The following NACAD variants were observed in gnomAD, a reference collection of about 807,000 sequenced individuals.
NACAD encodes the protein NAC alpha domain containing.
NACAD carries 47 observed loss-of-function variants against 98.9 expected under a neutral mutation model. The ratio of observed to expected loss-of-function variants is 0.48; its 90% CI spans 0.38 to 0.61. The LOEUF is 0.61. NACAD is among the 20% of genes least tolerant of loss of function. The pLI is 0.00. For synonymous variants in NACAD, 696 were observed against 767.2 expected, an observed-to-expected ratio of 0.91 and a Z score of 1.53; for missense variants, 1,412 against 1,748.2, an observed-to-expected ratio of 0.81 and a Z score of 3.43.
rs1199178079 is a variant in NACAD, at chr7:45,081,884, G to T, written c.4073-17C>A. ...GAGGCGAGTCTGGGGAAGGGGAGAG[G>T]TGTGAGGATGGCCTTTTGCTTCTAG... On this transcript the variant is annotated splice_polypyrimidine_tract_variant and intron_variant, in intron 2 of 7. Coordinates refer to ENST00000490531, the MANE Select transcript of NACAD (RefSeq NM_001146334.2). The T allele has an allele frequency of 6.5e-7, 1 of 1,540,430 alleles. No individual in the cohort carries two copies. Among genetic ancestry groups the T allele is most frequent in the East Asian group, 2.4e-5 (1 of 40,900 alleles).
Position 45,081,121 on chromosome 7 carries a change from G to C in NACAD, c.4400C>G (p.Ala1467Gly). 1 of 1,551,478 alleles carries C rather than the reference G, an allele frequency of 6.4e-7. No individual in the cohort carries two copies. Among genetic ancestry groups the C allele is most frequent in the Non-Finnish European group, 8.7e-7 (1 of 1,147,000 alleles). ...ASDTYVVFGE[A>G]KIEDLSQQVH... ...CACCACAGCCGCCACCCAGACCTTG[G>C]CCTCGCCAAAGACCACATAAGTGTC... is the stretch of plus-strand genomic sequence containing the variant. Residue 1467 changes from alanine (A) to glycine (G), a missense_variant, in exon 5 of 8, where the codon GCC becomes GGC. By Grantham distance (60) the Ala-to-Gly change is moderately conservative. Coordinates refer to ENST00000490531, the MANE Select transcript of NACAD (RefSeq NM_001146334.2).
intron 1 of NACAD, among the ~76,000 whole-genome samples, chr7:45,087,498 G>T (rs527858926): frequency 6.6e-6 from 1 of 152,218 alleles, no homozygotes; most frequent in South Asian, 2.1e-4. Flanking sequence ...ATGCCTGCCT[G>T]GTGGCTCCTG....
Position 45,083,401 on chromosome 7 carries a change from G to A in NACAD, c.2779C>T (p.Pro927Ser), listed in dbSNP as rs534777748. The A allele has an allele frequency of 2.6e-6, 4 of 1,551,106 alleles. No individual in the cohort carries two copies. In the Admixed American group the frequency reaches 7.8e-5, roughly 30 times the overall value. The change falls in exon 2 of 8, where the codon CCT becomes TCT. Residue 927 changes from proline (P) to serine (S), a missense_variant. By Grantham distance (74) the Pro-to-Ser change is moderately conservative (BLOSUM62 -1). This residue lies in a region of NACAD where 572 missense variants were observed against 639.6 expected (regional missense o/e 0.89). Coordinates refer to ENST00000490531, the MANE Select transcript of NACAD (RefSeq NM_001146334.2). ...GAGGTGGGGCCTGTGTCTTGCAGAG[G>A]CAGAGGTGCTGTCATAGCGGAGTCC... ...PQDSAMTAPL[P>S]LQDTGPTSGP...
Position 45,088,785 on chromosome 7 carries a change from A to G in NACAD, c.67+43T>C. On this transcript the variant is annotated intron_variant, in intron 1 of 7. Coordinates refer to ENST00000490531, the MANE Select transcript of NACAD (RefSeq NM_001146334.2). The surrounding 1 kb of genome is among the most constrained non-coding windows in gnomAD (Gnocchi z 5.7). ...GATGGAAAGAGAACCCGGGCTGGAG[A>G]GGGGAGAGGCTGAAGGCAGGGAAAG... The G allele has an allele frequency of 6.9e-7, 1 of 1,447,992 alleles. No individual in the cohort carries two copies. Among genetic ancestry groups the G allele is most frequent in the Non-Finnish European group, 9.1e-7 (1 of 1,096,696 alleles). The allele number at this position is 1,447,992 out of a possible 1,614,324, so 89.7% of individuals were successfully genotyped here.
Position 45,085,968 on chromosome 7 carries a change from C to T in NACAD, c.212G>A (p.Ser71Asn). Residue 71 changes from serine (S) to asparagine (N), a missense_variant, in exon 2 of 8, where the codon AGC (serine) becomes AAC (asparagine). Physicochemically the swap from Ser to Asn is conservative, Grantham distance 46. Transcript: ENST00000490531. This position sits in a 1 kb window ranked among gnomAD's most constrained non-coding sequence, Gnocchi z 6.1. ...PGARPQPEGA[S>N]WDAGPGGAPS... The stretch of plus-strand genomic sequence containing the variant: ...TGCCCCACCAGGCCCTGCATCCCAG[C>T]TGGCTCCCTCGGGCTGGGGCCGGGC... The T allele has an allele frequency of 7.8e-6, 12 of 1,537,582 alleles. No homozygotes were observed. The highest frequency in any genetic ancestry group is 3.6e-4 in the Middle Eastern group (2 of 5,536).
Position 45,085,458 on chromosome 7 carries a change from G to C in NACAD, c.722C>G (p.Pro241Arg). The part of the protein sequence containing the change: ...SPSCSLSLLA[P>R]AEGLDFPSGW... ...TGAGGGGAAGTCCAGCCCTTCAGCC[G>C]GAGCCAGCAGGCTGAGGGAACAGGA... The change falls in exon 2 of 8, where the codon CCG becomes CGG. Residue 241 changes from proline to arginine, a missense_variant. By Grantham distance (103) the Pro-to-Arg change is moderately radical. This residue lies in a region of NACAD where 638 missense variants were observed against 722.7 expected (regional missense o/e 0.88). Coordinates refer to ENST00000490531, the MANE Select transcript of NACAD (RefSeq NM_001146334.2). This position sits in a 1 kb window ranked among gnomAD's most constrained non-coding sequence, Gnocchi z 6.1. The C allele has an allele frequency of 6.5e-7, 1 of 1,550,132 alleles. No homozygotes were observed. Among genetic ancestry groups the C allele is most frequent in the Non-Finnish European group, 8.7e-7 (1 of 1,146,638 alleles).
chr7:45,081,272 A>G lies in NACAD; in HGVS notation c.4258-9T>C. The G allele has an allele frequency of 1.3e-6, 2 of 1,550,788 alleles. No homozygotes were observed. The highest frequency in any genetic ancestry group is 1.7e-6 in the Non-Finnish European group (2 of 1,146,832). On this transcript the variant is annotated splice_polypyrimidine_tract_variant and intron_variant, in intron 4 of 7. Coordinates refer to ENST00000490531, the MANE Select transcript of NACAD (RefSeq NM_001146334.2). ...CCCAGCTTTGACATTGCCTGGGAGT[A>G]GAGGGCAGAGGGGGGCTCAGACCTG...
rs1170649080 is a variant in NACAD, at chr7:45,085,771, T to C, written c.409A>G (p.Thr137Ala). Residue 137 changes from threonine to alanine, a missense_variant, in exon 2 of 8, where the codon ACA (threonine) becomes GCA (alanine). This residue lies in a region of NACAD where 638 missense variants were observed against 722.7 expected (regional missense o/e 0.88). Transcript: ENST00000490531. This position sits in a 1 kb window ranked among gnomAD's most constrained non-coding sequence, Gnocchi z 6.1. The part of the protein sequence containing the change: ...QALLSPRAAR[T>A]ALRDQEGGHA... The stretch of plus-strand genomic sequence containing the variant: ...CCACCCTCCTGGTCCCTGAGCGCTG[T>C]CCGGGCAGCTCTGGGTGACAGGAGG... 4 of 1,547,490 alleles carry C rather than the reference T, an allele frequency of 2.6e-6. No homozygotes were observed. The South Asian group carries it at 3.6e-5, about 14-fold the overall frequency.
intron 1 of NACAD, among the ~76,000 whole-genome samples, chr7:45,087,188 T>C (rs1177366837): frequency 1.3e-5 from 2 of 152,220 alleles, no homozygotes; most frequent in Non-Finnish European, 2.9e-5. Context: ...CAGACCGCTA[T>C]GGTTTTCTGC....
intron 3 of NACAD, 40 bp downstream of exon 3, chr7:45,081,715 G>T (rs183637466): frequency 7.7e-6 from 12 of 1,551,148 alleles, no homozygotes; most frequent in Non-Finnish European, 1.0e-5. Flanking sequence ...TGGGGTGTGG[G>T]GCCCTCCCAG....
rs1784525457 is a variant in NACAD at position 45,086,540 on chromosome 7, C to CTATT, written c.68-429_68-428insAATA. 2.0e-5 allele frequency among the ~76,000 whole-genome samples: 3 copies of CTATT among 152,202 alleles called. No individual in the cohort carries two copies. In the South Asian group the frequency reaches 6.2e-4, roughly 31 times the overall value. ...GTGCCAGTCCCATCCCATGACCTCC[C>CTATT]AATAGATGCGCCACATGAGGCAGGT... On this transcript the variant is annotated intron_variant, in intron 1 of 7. Coordinates refer to ENST00000490531, the MANE Select transcript of NACAD (RefSeq NM_001146334.2).
chr7:45,086,011 G>A lies in NACAD; in HGVS notation c.169C>T (p.Leu57=). The A allele has an allele frequency of 6.5e-7, 1 of 1,535,826 alleles. No homozygotes were observed. Residue 57 remains leucine, a synonymous_variant, in exon 2 of 8, where the codon CTG becomes TTG. Coordinates refer to ENST00000490531, the MANE Select transcript of NACAD (RefSeq NM_001146334.2). ...PGPSHLALTF[L]PSKPGARPQP... ...GGCCGGGCACCCGGCTTGCTGGGCAGGAACGTGAGGGCCAGGTGGCTGGGC... is the reference window on the plus strand; with the variant it reads ...GGCCGGGCACCCGGCTTGCTGGGCAAGAACGTGAGGGCCAGGTGGCTGGGC...
chr7:45,082,900 T>A lies in NACAD; in HGVS notation c.3280A>T (p.Arg1094Trp), dbSNP rs993219328. The change falls in exon 2 of 8, where the codon AGG becomes TGG. Residue 1094 changes from arginine to tryptophan, a missense_variant. Arg to Trp is a moderately radical substitution (Grantham distance 101). Transcript: ENST00000490531. The surrounding 1 kb of genome is among the most constrained non-coding windows in gnomAD (Gnocchi z 4.5). ...LKPLAQEHGPRSALGGAREVP... is the reference protein window; with the variant it reads ...LKPLAQEHGPWSALGGAREVP... Reference sequence around the variant, plus strand: ...TCCCTTGCACCTCCAAGTGCTGACCTGGGTCCATGTTCCTGTGCCAGTGGC... The same window carrying A: ...TCCCTTGCACCTCCAAGTGCTGACCAGGGTCCATGTTCCTGTGCCAGTGGC... The A allele has an allele frequency of 1.0e-5, 16 of 1,550,912 alleles. No individual in the cohort carries two copies. In the African/African-American group the frequency reaches 1.6e-4, roughly 16 times the overall value.
At position 45,081,746 on chromosome 7, in the gene NACAD, A is replaced by C. The variant is rs1406157996; in HGVS notation, c.4185+9T>G. On this transcript the variant is annotated intron_variant, in intron 3 of 7. Transcript: ENST00000490531. Reference sequence around the variant, plus strand: ...CCCAGAGGCCCACCCTCTTCCCTGGACTGGGCACCTGGGCTGGACACTGCA... The same window carrying C: ...CCCAGAGGCCCACCCTCTTCCCTGGCCTGGGCACCTGGGCTGGACACTGCA... 1 of 1,551,182 alleles carries C rather than the reference A, an allele frequency of 6.4e-7. No individual in the cohort carries two copies. The highest frequency in any genetic ancestry group is 2.0e-5 in the Admixed American group (1 of 50,998).
Position 45,085,996 on chromosome 7 carries a change from C to T in NACAD, c.184G>A (p.Gly62Ser). 3 of 1,536,472 alleles carry T rather than the reference C, an allele frequency of 2.0e-6. No homozygotes were observed. Among genetic ancestry groups the T allele is most frequent in the African/African-American group, 1.4e-5 (1 of 72,990 alleles). ...GCTCCCTCGGGCTGGGGCCGGGCAC[C>T]CGGCTTGCTGGGCAGGAACGTGAGG... is the stretch of plus-strand genomic sequence containing the variant. Reference protein sequence around the residue: ...LALTFLPSKPGARPQPEGASW... With the variant: ...LALTFLPSKPSARPQPEGASW... The change falls in exon 2 of 8, where the codon GGT becomes AGT. Residue 62 changes from glycine (G) to serine (S), a missense_variant. By Grantham distance (56) the Gly-to-Ser change is moderately conservative. Transcript: ENST00000490531. The surrounding 1 kb of genome is among the most constrained non-coding windows in gnomAD (Gnocchi z 6.1).
Position 45,085,807 on chromosome 7 carries a change from T to A in NACAD, c.373A>T (p.Thr125Ser). ...CTGGGTGACAGGAGGGCCTGGCACG[T>A]CTCCTCTCCCATCACAATCCGGGGC... ...LEPRIVMGEE[T>S]CQALLSPRAA... The change falls in exon 2 of 8, where the codon ACG becomes TCG. Residue 125 changes from threonine (T) to serine (S), a missense_variant. By Grantham distance (58) the Thr-to-Ser change is moderately conservative. This residue lies in a region of NACAD where 638 missense variants were observed against 722.7 expected (regional missense o/e 0.88). Transcript: ENST00000490531. The surrounding 1 kb of genome is among the most constrained non-coding windows in gnomAD (Gnocchi z 6.1). 1 of 1,538,838 alleles carries A rather than the reference T, an allele frequency of 6.5e-7. No individual in the cohort carries two copies. Among genetic ancestry groups the A allele is most frequent in the Non-Finnish European group, 8.8e-7 (1 of 1,140,650 alleles).
chr7:45,080,905 TGCACTCCAGCCTCACCCGGG>T lies in NACAD; in HGVS notation c.4502_4521del (p.Pro1501GlnfsTer20). 6.4e-7 allele frequency: 1 copy of T among 1,557,328 alleles called. No homozygotes were observed. Among genetic ancestry groups the T allele is most frequent in the Non-Finnish European group, 8.7e-7 (1 of 1,150,456 alleles). Reference sequence around the variant, plus strand: ...TCCTCCTCCTCCTCTTCCTCTTCCTTGCACTCCAGCCTCACCCGGGGCCTGGGTGCTGACTCAGGGACCAA... The same window carrying T: ...TCCTCCTCCTCCTCTTCCTCTTCCTTGCCTGGGTGCTGACTCAGGGACCAA... On this transcript the variant is annotated frameshift_variant, in exon 6 of 8. Coordinates refer to ENST00000490531, the MANE Select transcript of NACAD (RefSeq NM_001146334.2). LOFTEE classifies it high-confidence loss of function.
Position 45,085,000 on chromosome 7 carries a change from C to A in NACAD, c.1180G>T (p.Ala394Ser), listed in dbSNP as rs1421745973. Residue 394 changes from alanine (A) to serine (S), a missense_variant, in exon 2 of 8, where the codon GCC becomes TCC. Ala to Ser is a moderately conservative substitution (Grantham distance 99). Coordinates refer to ENST00000490531, the MANE Select transcript of NACAD (RefSeq NM_001146334.2). ...TCATCATCTGCCTCTGCGTAGGAGG[C>A]TGAGTCTGAATCAGAGGAGGCTGCA... ...TSAASSDSDS[A>S]SYAEADDERL... The A allele has an allele frequency of 6.4e-7, 1 of 1,550,992 alleles. No individual in the cohort carries two copies. Among genetic ancestry groups the A allele is most frequent in the Non-Finnish European group, 8.7e-7 (1 of 1,146,956 alleles).
intron 6 of NACAD, 51 bp from the exon 7 acceptor site, chr7:45,080,813 G>A (rs1784416913): frequency 1.3e-6 from 2 of 1,549,432 alleles, no homozygotes; most frequent in African/African-American, 2.7e-5. Context: ...GGTCCCTGGG[G>A]CAGAGCCCCC....
Sources: allele counts gnomAD v4.1 joint callset (sites outside exome capture counted in the v4.1 genomes callset), GRCh38; gene constraint gnomAD v4.1.1; regional missense constraint gnomAD v4.1.1; non-coding constraint Gnocchi (gnomAD v3.1); transcripts MANE v1.5; gene names NCBI Gene and HGNC (gene_info 2026-07-23, HGNC 2026-07-21).